The following SLC25A29 variants were observed in gnomAD, a reference collection of about 807,000 sequenced individuals.
SLC25A29 encodes the protein mitochondrial basic amino acids transporter.
In SLC25A29, 13 loss-of-function variants were observed where a neutral mutation model predicts 10.0. The observed-to-expected ratio is 1.30, with a 90% CI of 0.85 to 2.07. The LOEUF (loss-of-function observed/expected upper bound fraction) is 2.07. Among genes scored for constraint, SLC25A29 ranks in the 30% most tolerant of loss-of-function variants. The probability of loss-of-function intolerance (pLI) is 0.00; values close to 1 mark genes in which losing one functional copy is unlikely to be tolerated. For synonymous variants in SLC25A29, 244 were observed against 221.1 expected (o/e 1.10, Z -0.92); for missense variants, 475 against 447.6 (o/e 1.06, Z -0.55).
chr14:100,278,713 A>G, the SLC25A29 span: 1 of 152,270 alleles, frequency 6.6e-6, no homozygotes, highest in Non-Finnish European at 1.5e-5. Context: ...ACTACCTCAG[A>G]ACACCCCAGG....
chr14:100,292,718 C>T lies in SLC25A29; in HGVS notation c.477G>A (p.Leu159=). The T allele has an allele frequency of 6.2e-7, 1 of 1,602,530 alleles. No individual in the cohort carries two copies. The highest frequency in any genetic ancestry group is 1.1e-5 in the South Asian group (1 of 89,526). The part of the protein sequence containing the change: ...GVNRGMVSTL[L]RETPSFGVYF... The stretch of plus-strand genomic sequence containing the variant: ...AGACGCCGAAGCTGGGCGTCTCACG[C>T]AGCAACGTGGACACCATGCCCCGGT... Residue 159 remains leucine (L), a synonymous_variant, in exon 4 of 4, where the codon CTG becomes CTA. Coordinates refer to ENST00000359232, the MANE Select transcript of SLC25A29 (RefSeq NM_001039355.3).
chr14:100,301,011 T>G (rs931728264), intron 1 of SLC25A29, among the ~76,000 whole-genome samples: 7 of 152,246 alleles, frequency 4.6e-5, no homozygotes, highest in African/African-American at 1.7e-4. Flanking sequence ...GCCATTCTCC[T>G]GCCTCAGCCT....
At chr14:100,299,480 C>A in intron 1 of SLC25A29, 2 of 987,410 alleles carry the variant, frequency 2.0e-6, no homozygotes, top group Non-Finnish European at 2.4e-6. Flanking sequence ...CTGGCTGATA[C>A]CTCCGTCCCC....
downstream of SLC25A29, among the ~76,000 whole-genome samples, chr14:100,287,411 C>G (rs1891564504): frequency 6.6e-6 from 1 of 152,254 alleles, no homozygotes; most frequent in Admixed American, 6.5e-5. Context: ...CTCCCTCCCC[C>G]TTTCCCACCC....
intron 2 of SLC25A29, chr14:100,294,653 G>C (rs534973353): frequency 5.9e-5 from 9 of 152,314 alleles, no homozygotes; most frequent in African/African-American, 2.2e-4. Context: ...CAGCTGTGTT[G>C]CTCAGAGTGA....
intron 1 of SLC25A29, among the ~76,000 whole-genome samples, chr14:100,302,901 C>G (rs1190651692): frequency 6.6e-6 from 1 of 151,962 alleles, no homozygotes; most frequent in Non-Finnish European, 1.5e-5. Flanking sequence ...TTAAAGTAAC[C>G]CTGCCTGGAG....
downstream of SLC25A29, among the ~76,000 whole-genome samples, chr14:100,288,711 C>T (rs1891597236): frequency 6.7e-6 from 1 of 148,982 alleles, no homozygotes; most frequent in Admixed American, 6.6e-5. Context: ...TCAGACGTGT[C>T]CCCCAGTTAC....
the SLC25A29 span, chr14:100,281,744 T>C: frequency 6.6e-6 from 1 of 152,188 alleles, no homozygotes; most frequent in Non-Finnish European, 1.5e-5. Flanking sequence ...TACTGACCCT[T>C]GATTTATGTT....
At position 100,292,069 on chromosome 14, in the gene SLC25A29, T is replaced by G. The variant is rs1176776479; in HGVS notation, c.*214A>C. On this transcript the variant is annotated 3_prime_UTR_variant, in exon 4 of 4. Coordinates refer to ENST00000359232, the MANE Select transcript of SLC25A29 (RefSeq NM_001039355.3). ...ATCTCTGAGCTTCGTGACTCTACAG[T>G]GTGGGCATGAGGGTCCTTATTTCAT... The G allele has an allele frequency of 1.0e-5, 6 of 601,858 alleles. No individual in the cohort carries two copies. The highest frequency in any genetic ancestry group is 1.8e-5 in the Non-Finnish European group (6 of 342,544). 37.3% of individuals were successfully genotyped at this position (601,858 alleles called of 1,614,324 possible). A position where few individuals can be genotyped will look rare whatever the true frequency, so the allele number is the denominator to read the frequency against.
At chr14:100,295,328 GCT>G in intron 2 of SLC25A29, 1 of 254,318 alleles carries the variant, frequency 3.9e-6, no homozygotes, top group Non-Finnish European at 7.9e-6. Context: ...GGGGTGCCAG[GCT>G]CTCCTTTGAG....
chr14:100,285,957 G>C, the SLC25A29 span, among the ~76,000 whole-genome samples: 2,715 of 152,196 alleles, frequency 0.018, 86 homozygotes, highest in African/African-American at 0.062. Flanking sequence ...TCCAAGCTGG[G>C]GATGCTTTTC....
At chr14:100,290,075 G>A (rs1891630569), downstream of SLC25A29, among the ~76,000 whole-genome samples, 1 of 152,212 alleles carries the variant, frequency 6.6e-6, no homozygotes, top group African/African-American at 2.4e-5. Flanking sequence ...GGCAGCCGCA[G>A]GGTTCGTGGA....
At chr14:100,304,678 T>C (rs1368263647) in intron 1 of SLC25A29, among the ~76,000 whole-genome samples, 1 of 152,108 alleles carries the variant, frequency 6.6e-6, no homozygotes, top group African/African-American at 2.4e-5. Context: ...GGTGGGCCTA[T>C]GAGGATGGGC....
intron 2 of SLC25A29, 33 bp from the exon 3 acceptor site, chr14:100,293,410 G>A: frequency 1.9e-6 from 3 of 1,601,150 alleles, no homozygotes; most frequent in Non-Finnish European, 2.6e-6. Context: ...GAGGCAGGCA[G>A]GCAGGACCAG....
chr14:100,290,599 CAGG>C (rs891997733), downstream of SLC25A29, among the ~76,000 whole-genome samples: 2 of 152,228 alleles, frequency 1.3e-5, no homozygotes, highest in Admixed American at 1.3e-4. Context: ...GGGCTGACTC[CAGG>C]AGGCTGAACA....
chr14:100,303,701 C>A (rs1892714562), intron 1 of SLC25A29, among the ~76,000 whole-genome samples: 1 of 152,166 alleles, frequency 6.6e-6, no homozygotes, highest in Non-Finnish European at 1.5e-5. Flanking sequence ...GAAGCGGAAC[C>A]CTGTCTCCCA....
chr14:100,297,970 C>A (rs552088066), intron 2 of SLC25A29: 7 of 152,482 alleles, frequency 4.6e-5, no homozygotes, highest in African/African-American at 1.7e-4. Flanking sequence ...GACCCTCACT[C>A]TTGTGCTGGA....
intron 1 of SLC25A29, chr14:100,305,953 C>T (rs1288302368): frequency 5.0e-6 from 2 of 398,226 alleles, no homozygotes; most frequent in Non-Finnish European, 4.5e-6. Flanking sequence ...ACGGTGCTGC[C>T]CCGGCGCCCC....
chr14:100,306,013 C>A (rs1337732190), intron 1 of SLC25A29, among the ~76,000 whole-genome samples, 186 bp downstream of exon 1: 1 of 152,164 alleles, frequency 6.6e-6, no homozygotes, highest in Non-Finnish European at 1.5e-5. Context: ...CCTGCCCTCG[C>A]GGACAGCCCG....
Sources: gnomAD v4.1 joint callset for allele counts (sites outside exome capture counted in the v4.1 genomes callset) on GRCh38, gnomAD v4.1.1 for gene constraint, MANE v1.5 for transcripts, NCBI Gene and HGNC (gene_info 2026-07-23, HGNC 2026-07-21) for gene names.